The following NTM variants were observed in gnomAD, a reference collection of about 807,000 sequenced individuals.
The protein encoded by NTM is neurotrimin, also known as IgLON family member 2.
A neutral mutation model predicts 42.1 loss-of-function variants in NTM; 13 were observed. The observed-to-expected ratio is 0.31, with a 90% CI of 0.20 to 0.49. NTM has a LOEUF of 0.49. Ranked by LOEUF, NTM falls within the 20% of genes least tolerant of loss-of-function variation. The probability of loss-of-function intolerance (pLI) is 0.99; values close to 1 mark genes in which losing one functional copy is unlikely to be tolerated. For synonymous variants in NTM, 187 were observed against 179.2 expected, an observed-to-expected ratio of 1.04 and a Z score of -0.35; for missense variants, 373 against 452.8, an observed-to-expected ratio of 0.82 and a Z score of 1.60.
chr11:131,805,490 T>A (rs3867238), intron 1 of NTM, among the ~76,000 whole-genome samples: 1 of 151,730 alleles, frequency 6.6e-6, no homozygotes, highest in African/African-American at 2.4e-5. Context: ...TGTTATCCGA[T>A]TATATTAGAA....
At chr11:132,086,846 T>C (rs555064009) in intron 2 of NTM, among the ~76,000 whole-genome samples, 5 of 152,182 alleles carry the variant, frequency 3.3e-5, no homozygotes, top group Non-Finnish European at 7.3e-5. Context: ...AGCCAACCAG[T>C]GTCAGGTTTT....
At chr11:132,075,191 G>A (rs1262101218) in intron 2 of NTM, among the ~76,000 whole-genome samples, 1 of 152,080 alleles carries the variant, frequency 6.6e-6, no homozygotes, top group African/African-American at 2.4e-5. Context: ...GGAATGAGAG[G>A]GGAATGAGCA....
At chr11:132,323,725 A>C (rs1229109112) in intron 7 of NTM, among the ~76,000 whole-genome samples, 2 of 152,174 alleles carry the variant, frequency 1.3e-5, no homozygotes, top group African/African-American at 4.8e-5. Context: ...CACAACCAAA[A>C]AAGAGAATTT....
intron 1 of NTM, among the ~76,000 whole-genome samples, chr11:131,785,736 C>T (rs1246873741): frequency 6.6e-6 from 1 of 152,180 alleles, no homozygotes; most frequent in Non-Finnish European, 1.5e-5. Context: ...TAATTTGGGA[C>T]ACAAGGTTAC....
intron 2 of NTM, among the ~76,000 whole-genome samples, chr11:131,951,629 C>G (rs1383045928): frequency 6.6e-6 from 1 of 152,048 alleles, no homozygotes; most frequent in Non-Finnish European, 1.5e-5. Context: ...CAAGACCAGC[C>G]TGACCAATAT....
chr11:131,929,667 C>T (rs1361382996), intron 2 of NTM, among the ~76,000 whole-genome samples: 1 of 152,134 alleles, frequency 6.6e-6, no homozygotes, highest in East Asian at 1.9e-4. Context: ...CTCATTTCTG[C>T]AGACTTCCTC....
rs182977441 is a variant in NTM, at chr11:131,468,029, C to T, written c.82+97141C>T. Among the ~76,000 whole-genome samples, 18 of 152,310 alleles carry T rather than the reference C, an allele frequency of 1.2e-4. No homozygotes were observed. In the East Asian group the frequency reaches 2.5e-3, roughly 21 times the overall value. ...TTGAGTCACCTCTTTGGACAGCTCC[C>T]GAAGAGTGCAGTGGGGGAAAGGGAT... On this transcript the variant is annotated intron_variant, in intron 1 of 8. Transcript: ENST00000683400.
chr11:131,706,086 G>C (rs1281866947), intron 1 of NTM, among the ~76,000 whole-genome samples: 1 of 152,038 alleles, frequency 6.6e-6, no homozygotes, highest in African/African-American at 2.4e-5. Flanking sequence ...CTACCTTTAA[G>C]AGACTCATAT....
chr11:132,165,530 G>T (rs183309292), intron 3 of NTM, among the ~76,000 whole-genome samples: 120 of 152,284 alleles, frequency 7.9e-4, no homozygotes, highest in African/African-American at 2.5e-3. Flanking sequence ...CTTTCCATGT[G>T]ACAGGTACTA....
chr11:132,023,763 GTGGTGGTTTTGTTGTTGT>G (rs768051214), intron 2 of NTM, among the ~76,000 whole-genome samples: 29,411 of 137,506 alleles, frequency 0.21, 3,326 homozygotes, highest in Non-Finnish European at 0.25. Flanking sequence ...TTTGTTGTTG[GTGGTGGTTTTGTTGTTGT>G]TGGTGGTTTT....
intron 4 of NTM, among the ~76,000 whole-genome samples, chr11:132,265,363 G>T (rs1178592919): frequency 6.6e-6 from 1 of 152,194 alleles, no homozygotes; most frequent in Non-Finnish European, 1.5e-5. Flanking sequence ...CCATTTTCCA[G>T]CCATGAGATT....
chr11:131,540,752 A>T (rs185687860), intron 1 of NTM: 5 of 152,234 alleles, frequency 3.3e-5, no homozygotes, highest in African/African-American at 9.6e-5. Context: ...GCCCAGCTGA[A>T]TCTGCACAAG....
chr11:131,864,997 C>T (rs958362779), intron 1 of NTM, among the ~76,000 whole-genome samples: 2 of 152,330 alleles, frequency 1.3e-5, no homozygotes, highest in East Asian at 1.9e-4. Context: ...CAGTGGGTCT[C>T]CCACCTCCAG....
chr11:131,460,591 C>T (rs891171362), intron 1 of NTM, among the ~76,000 whole-genome samples: 22 of 152,078 alleles, frequency 1.4e-4, no homozygotes, highest in African/African-American at 4.3e-4. Flanking sequence ...CTCGCTCTGT[C>T]GCCCAGACTA....
chr11:132,125,215 A>G (rs2065475814), intron 2 of NTM, among the ~76,000 whole-genome samples: 1 of 152,036 alleles, frequency 6.6e-6, no homozygotes, highest in South Asian at 2.1e-4. Context: ...CATTTTATTG[A>G]GTGAATTAGA....
At chr11:131,895,710 A>G (rs1455776090) in intron 1 of NTM, among the ~76,000 whole-genome samples, 1 of 152,166 alleles carries the variant, frequency 6.6e-6, no homozygotes, top group Non-Finnish European at 1.5e-5. Context: ...GTGTATATAT[A>G]TACATTTCCT....
chr11:131,405,923 C>G (rs1193558373), intron 1 of NTM, among the ~76,000 whole-genome samples: 2 of 152,170 alleles, frequency 1.3e-5, no homozygotes, highest in African/African-American at 4.8e-5. Flanking sequence ...GGAAGGTTTT[C>G]CCTCCAGATC....
chr11:131,396,444 C>T (rs982720973), intron 1 of NTM, among the ~76,000 whole-genome samples: 13 of 152,110 alleles, frequency 8.5e-5, no homozygotes, highest in African/African-American at 1.9e-4. Flanking sequence ...TCACACCTCT[C>T]GGTCTGTTGC....
At chr11:131,730,719 T>TAAAAAAAAAAAAAAAAAAAAAAA (rs2079541594) in intron 1 of NTM, among the ~76,000 whole-genome samples, 1 of 108,774 alleles carries the variant, frequency 9.2e-6, no homozygotes, top group African/African-American at 3.4e-5. Flanking sequence ...CCCTATCTGT[T>TAAAAAAAAAAAAAAAAAAAAAAA]AAAAGAAGAA....
Sources: allele counts gnomAD v4.1 joint callset (sites outside exome capture counted in the v4.1 genomes callset), GRCh38; gene constraint gnomAD v4.1.1; transcripts MANE v1.5; gene names NCBI Gene and HGNC (gene_info 2026-07-23, HGNC 2026-07-21).